SPMIP11: variants seen among roughly 807,000 people sequenced by gnomAD.
SPMIP11 encodes long intergenic non-protein coding RNA 935.
chr12:48,748,489 A>C, the SPMIP11 span, among the ~76,000 whole-genome samples: 1 of 150,606 alleles, frequency 6.6e-6, no homozygotes, highest in African/African-American at 2.5e-5. Flanking sequence ...GTTTATACTC[A>C]CGGTCTAGAA....
chr12:48,749,492 G>C, the SPMIP11 span, among the ~76,000 whole-genome samples: 359 of 151,556 alleles, frequency 2.4e-3, 3 homozygotes, highest in African/African-American at 8.3e-3. Context: ...GCCGGGCATG[G>C]TGGCGTATGC....
chr12:48,754,612 G>A, the SPMIP11 span, among the ~76,000 whole-genome samples: 2 of 151,790 alleles, frequency 1.3e-5, no homozygotes, highest in Non-Finnish European at 1.5e-5. Flanking sequence ...CACCATGCCC[G>A]GCTAATTTTT....
the SPMIP11 span, among the ~76,000 whole-genome samples, chr12:48,753,644 C>A: frequency 4.6e-5 from 7 of 150,980 alleles, no homozygotes; most frequent in African/African-American, 1.7e-4. Context: ...CATTCTTAGA[C>A]TCCAGCAGAG....
chr12:48,750,733 C>T, the SPMIP11 span, among the ~76,000 whole-genome samples: 2 of 152,196 alleles, frequency 1.3e-5, no homozygotes, highest in Non-Finnish European at 2.9e-5. Context: ...TCCATTAATT[C>T]AGGGAACCCA....
the SPMIP11 span, among the ~76,000 whole-genome samples, chr12:48,729,760 T>C: frequency 3.3e-5 from 5 of 151,270 alleles, no homozygotes; most frequent in African/African-American, 7.3e-5. Context: ...CAGGCCTCCA[T>C]TGGTCATTCT....
the SPMIP11 span, chr12:48,764,915 T>C: frequency 1.4e-6 from 1 of 702,950 alleles, no homozygotes; most frequent in Non-Finnish European, 2.6e-6. Context: ...GGTGGTCCCA[T>C]GATCCAGGAG....
At chr12:48,764,868 A>G in the SPMIP11 span, 1 of 702,962 alleles carries the variant, frequency 1.4e-6, no homozygotes, top group South Asian at 1.5e-5. Flanking sequence ...TCAGGTCTTC[A>G]GAATCCCCTT....
At chr12:48,733,758 C>A in the SPMIP11 span, among the ~76,000 whole-genome samples, 1 of 141,660 alleles carries the variant, frequency 7.1e-6, no homozygotes, top group African/African-American at 2.6e-5. Context: ...TGTGTAAATG[C>A]AGATTCTTTT....
the SPMIP11 span, chr12:48,768,230 CCAGA>C: frequency 2.8e-6 from 1 of 353,914 alleles, no homozygotes; most frequent in Non-Finnish European, 5.3e-6. Flanking sequence ...AACCTGCTGC[CCAGA>C]CAGACAGGGA....
chr12:48,766,352 G>A, the SPMIP11 span: 1 of 152,648 alleles, frequency 6.6e-6, no homozygotes. Flanking sequence ...GGTGAGGAAA[G>A]GGACAATGGT....
At chr12:48,737,374 T>C in the SPMIP11 span, among the ~76,000 whole-genome samples, 1 of 152,032 alleles carries the variant, frequency 6.6e-6, no homozygotes, top group African/African-American at 2.4e-5. Flanking sequence ...ATTCTGGAAA[T>C]TTATGCTTTC....
the SPMIP11 span, among the ~76,000 whole-genome samples, chr12:48,733,125 A>C: frequency 8.0e-6 from 1 of 124,682 alleles, no homozygotes; most frequent in Non-Finnish European, 1.6e-5. Flanking sequence ...CCCAGGCTGG[A>C]GTGCAGTGGT....
the SPMIP11 span, among the ~76,000 whole-genome samples, chr12:48,761,246 A>G: frequency 6.6e-6 from 1 of 152,052 alleles, no homozygotes; most frequent in African/African-American, 2.4e-5. Flanking sequence ...CAGGAGTTCG[A>G]GACCAGCCTG....
the SPMIP11 span, among the ~76,000 whole-genome samples, chr12:48,752,105 T>C: frequency 2.0e-5 from 3 of 151,478 alleles, no homozygotes; most frequent in South Asian, 4.2e-4. Context: ...AGGTGTATTG[T>C]GGACATTAAA....
the SPMIP11 span, among the ~76,000 whole-genome samples, chr12:48,762,962 C>T: frequency 6.7e-6 from 1 of 150,366 alleles, no homozygotes; most frequent in Non-Finnish European, 1.5e-5. Flanking sequence ...GTCTTGAACT[C>T]CTGGGCTCAA....
At chr12:48,727,621 C>A in the SPMIP11 span, 1 of 684,272 alleles carries the variant, frequency 1.5e-6, no homozygotes, top group South Asian at 1.5e-5. Flanking sequence ...GCTTCATAGC[C>A]ACTTCCTAGC....
chr12:48,761,703 C>A, the SPMIP11 span, among the ~76,000 whole-genome samples: 1 of 148,492 alleles, frequency 6.7e-6, no homozygotes, highest in South Asian at 2.1e-4. Flanking sequence ...GCGTATGATG[C>A]CATTTATATA....
At chr12:48,762,356 C>CATTTTTTTT in the SPMIP11 span, among the ~76,000 whole-genome samples, 1 of 61,222 alleles carries the variant, frequency 1.6e-5, no homozygotes, top group African/African-American at 9.8e-5. Context: ...CCCCGCCCAG[C>CATTTTTTTT]TTTTTTTTTT....
chr12:48,761,719 C>CTTTTTTT, the SPMIP11 span, among the ~76,000 whole-genome samples: 1 of 95,258 alleles, frequency 1.0e-5, no homozygotes, highest in Non-Finnish European at 2.1e-5. Flanking sequence ...ATATAACATT[C>CTTTTTTT]TTTTTTTTTT....
Sources: gnomAD v4.1 joint callset for allele counts (sites outside exome capture counted in the v4.1 genomes callset) on GRCh38, gnomAD v4.1.1 for gene constraint, MANE v1.5 for transcripts, NCBI Gene and HGNC (gene_info 2026-07-23, HGNC 2026-07-21) for gene names.